FUT8: variants seen among roughly 807,000 people sequenced by gnomAD.
FUT8 encodes fucosyltransferase 8, also known as alpha-(1,6)-fucosyltransferase.
Under a neutral mutation model 71.3 loss-of-function variants are expected in FUT8, and 29 were observed. The observed-to-expected ratio is 0.41, with a 90% confidence interval of 0.30 to 0.55. FUT8 has a LOEUF of 0.55. Ranked by LOEUF, FUT8 falls within the 20% of genes least tolerant of loss-of-function variation. FUT8 has a pLI of 0.34. For missense variants in FUT8, 544 were observed against 702.1 expected, an observed-to-expected ratio of 0.77 and a Z score of 2.55; for synonymous variants, 254 against 239.3, an observed-to-expected ratio of 1.06 and a Z score of -0.57.
chr14:65,469,937 G>T (rs977465391), intron 2 of FUT8, among the ~76,000 whole-genome samples: 1 of 152,190 alleles, frequency 6.6e-6, no homozygotes, highest in Non-Finnish European at 1.5e-5. Flanking sequence ...CTGGCAGCCC[G>T]GTCCCCAACG....
chr14:65,563,426 C>A (rs1886022810), intron 3 of FUT8, among the ~76,000 whole-genome samples: 1 of 151,940 alleles, frequency 6.6e-6, no homozygotes, highest in African/African-American at 2.4e-5. Flanking sequence ...GAAGGTCACA[C>A]TTTTCACAAG....
chr14:65,704,510 G>A lies in FUT8; in HGVS notation c.836-17265G>A, dbSNP rs549310801. Among the ~76,000 whole-genome samples the A allele has an allele frequency of 6.6e-5, 10 of 151,952 alleles. No homozygotes were observed. The South Asian group carries it at 2.2e-3, about 33-fold the overall frequency. ...TCTTTGTGATCCTTTGAGCCGGAAG[G>A]AGGTTCTAAGTTAGGAGAAAGTACT... On this transcript the variant is annotated intron_variant, in intron 7 of 10. Transcript: ENST00000673929.
chr14:65,534,254 C>G (rs1396231715), intron 2 of FUT8, among the ~76,000 whole-genome samples: 2 of 152,062 alleles, frequency 1.3e-5, no homozygotes, highest in African/African-American at 4.8e-5. Flanking sequence ...TCCTGAATAG[C>G]TGAGACTATA....
At chr14:65,525,297 T>G (rs1462594144) in intron 2 of FUT8, among the ~76,000 whole-genome samples, 1 of 152,082 alleles carries the variant, frequency 6.6e-6, no homozygotes, top group African/African-American at 2.4e-5. Context: ...CTTGGGAGGG[T>G]GTATGTGTCT....
chr14:65,399,727 G>A, the FUT8 span, among the ~76,000 whole-genome samples: 1 of 152,296 alleles, frequency 6.6e-6, no homozygotes, highest in African/African-American at 2.4e-5. Context: ...GCCAAGGAAG[G>A]AAAAAGTTAA....
chr14:65,622,839 C>T (rs1052812134), intron 5 of FUT8, among the ~76,000 whole-genome samples: 1 of 151,632 alleles, frequency 6.6e-6, no homozygotes, highest in East Asian at 1.9e-4. Flanking sequence ...CATTTACCCC[C>T]GTAAGTGTTA....
intron 2 of FUT8, among the ~76,000 whole-genome samples, chr14:65,535,652 G>T (rs1884257179): frequency 6.6e-6 from 1 of 152,140 alleles, no homozygotes; most frequent in South Asian, 2.1e-4. Flanking sequence ...AGAGTAGTTG[G>T]TATGATTTCC....
chr14:65,365,988 C>A, the FUT8 span, among the ~76,000 whole-genome samples: 1 of 152,140 alleles, frequency 6.6e-6, no homozygotes, highest in Admixed American at 6.5e-5. Flanking sequence ...TAGGCATGCG[C>A]CACCATGCCC....
intron 1 of FUT8, among the ~76,000 whole-genome samples, chr14:65,428,799 A>G (rs972310794): frequency 1.3e-5 from 2 of 152,234 alleles, no homozygotes; most frequent in African/African-American, 4.8e-5. Flanking sequence ...TGTTATGAAG[A>G]GAAGTACAAG....
intron 8 of FUT8, 120 bp downstream of exon 8, chr14:65,722,141 G>C (rs1895449496): frequency 1.6e-5 from 20 of 1,255,414 alleles, no homozygotes; most frequent in Admixed American, 2.2e-5. Flanking sequence ...CCAAAGGACA[G>C]AGGTTCTAGA....
At chr14:65,726,813 C>T (rs1003463270) in intron 9 of FUT8, among the ~76,000 whole-genome samples, 1 of 152,206 alleles carries the variant, frequency 6.6e-6, no homozygotes, top group African/African-American at 2.4e-5. Context: ...AGGCAAGTCC[C>T]TTCCACCTAT....
At chr14:65,657,940 AC>A (rs1758615545) in intron 6 of FUT8, among the ~76,000 whole-genome samples, 1 of 147,228 alleles carries the variant, frequency 6.8e-6, no homozygotes, top group Non-Finnish European at 1.5e-5. Flanking sequence ...CCTACTATGT[AC>A]TCAAAAAAAT....
At chr14:65,539,128 C>CT (rs1482020935) in intron 2 of FUT8, among the ~76,000 whole-genome samples, 1 of 152,168 alleles carries the variant, frequency 6.6e-6, no homozygotes, top group Non-Finnish European at 1.5e-5. Context: ...ACTACATACA[C>CT]TTGCCAAAAC....
intron 2 of FUT8, chr14:65,479,899 A>G (rs978511295): frequency 6.6e-6 from 1 of 152,112 alleles, no homozygotes; most frequent in African/African-American, 2.4e-5. Context: ...CATTAATGTT[A>G]TCTTTGAGAA....
At chr14:65,402,691 G>A in the FUT8 span, among the ~76,000 whole-genome samples, 1 of 152,142 alleles carries the variant, frequency 6.6e-6, no homozygotes, top group South Asian at 2.1e-4. Flanking sequence ...TAGAGATGGG[G>A]TTCTTGCCAT....
intron 6 of FUT8, among the ~76,000 whole-genome samples, chr14:65,648,813 C>A (rs1056369657): frequency 2.0e-5 from 3 of 152,120 alleles, no homozygotes; most frequent in Admixed American, 1.3e-4. Context: ...TAATTTTCTT[C>A]TGTTCTACTC....
intron 1 of FUT8, among the ~76,000 whole-genome samples, chr14:65,449,998 T>C (rs1486240026): frequency 1.3e-5 from 2 of 152,188 alleles, no homozygotes; most frequent in Non-Finnish European, 2.9e-5. Flanking sequence ...ACTGATAGAG[T>C]TAATTTTTGT....
At chr14:65,597,609 C>T (rs1372733821) in intron 3 of FUT8, among the ~76,000 whole-genome samples, 4 of 140,858 alleles carry the variant, frequency 2.8e-5, no homozygotes, top group Non-Finnish European at 3.1e-5. Context: ...GGCGATAGAG[C>T]GAGACTCTGT....
chr14:65,567,366 C>T (rs1403315784), intron 3 of FUT8, among the ~76,000 whole-genome samples: 1 of 151,842 alleles, frequency 6.6e-6, no homozygotes, highest in Non-Finnish European at 1.5e-5. Flanking sequence ...AAAAATTTGT[C>T]CCAGGCAACA....
Sources: gnomAD v4.1 joint callset for allele counts (sites outside exome capture counted in the v4.1 genomes callset) on GRCh38, gnomAD v4.1.1 for gene constraint, MANE v1.5 for transcripts, NCBI Gene and HGNC (gene_info 2026-07-23, HGNC 2026-07-21) for gene names.